The following MAP2K6 variants were observed in gnomAD, a reference collection of about 807,000 sequenced individuals.
MAP2K6 encodes dual specificity mitogen-activated protein kinase kinase 6.
MAP2K6 carries 16 observed loss-of-function variants against 53.7 expected under a neutral mutation model. That is an observed-to-expected ratio of 0.30 (90% CI 0.20 to 0.45). The LOEUF is 0.45. MAP2K6 is among the 20% of genes least tolerant of loss of function. The pLI is 1.00. For missense variants in MAP2K6, 204 were observed against 411.9 expected (o/e 0.50, Z 4.37); for synonymous variants, 132 against 143.1 (o/e 0.92, Z 0.55).
chr17:69,438,904 T>C (rs933414920), intron 1 of MAP2K6, among the ~76,000 whole-genome samples: 2 of 152,208 alleles, frequency 1.3e-5, no homozygotes, highest in Non-Finnish European at 2.9e-5. Flanking sequence ...TAAAATGCTT[T>C]ACACGAGTCA....
intron 1 of MAP2K6, among the ~76,000 whole-genome samples, chr17:69,430,283 C>T (rs1205824459): frequency 6.6e-6 from 1 of 151,934 alleles, no homozygotes; most frequent in African/African-American, 2.4e-5. Flanking sequence ...TTGCAGTGAG[C>T]CAAGATCGTG....
At chr17:69,484,248 A>G (rs1178388162) in intron 1 of MAP2K6, among the ~76,000 whole-genome samples, 1 of 152,084 alleles carries the variant, frequency 6.6e-6, no homozygotes, top group Non-Finnish European at 1.5e-5. Flanking sequence ...TACTGAAAAG[A>G]TAACTAAAAA....
At chr17:69,483,358 T>G (rs774345972) in intron 1 of MAP2K6, among the ~76,000 whole-genome samples, 1 of 151,956 alleles carries the variant, frequency 6.6e-6, no homozygotes, top group Non-Finnish European at 1.5e-5. Context: ...CTTTATAATA[T>G]CCTCAAAAAG....
chr17:69,476,271 G>T (rs920730294), intron 1 of MAP2K6, among the ~76,000 whole-genome samples: 1 of 152,122 alleles, frequency 6.6e-6, no homozygotes, highest in Non-Finnish European at 1.5e-5. Flanking sequence ...GAGAACACCT[G>T]CTACCCAGAT....
intron 11 of MAP2K6, among the ~76,000 whole-genome samples, chr17:69,539,195 G>A (rs1279480449): frequency 6.6e-6 from 1 of 152,220 alleles, no homozygotes; most frequent in Non-Finnish European, 1.5e-5. Flanking sequence ...ATGAGGTGCT[G>A]TGCATGGGAC....
At chr17:69,514,108 T>TA (rs35309500) in intron 2 of MAP2K6, among the ~76,000 whole-genome samples, 1,579 of 144,330 alleles carry the variant, frequency 0.011, 33 homozygotes, top group African/African-American at 0.036. Flanking sequence ...GACTCTGTCT[T>TA]AAAAAAAAAA....
At chr17:69,503,667 A>T (rs1909291199) in intron 1 of MAP2K6, among the ~76,000 whole-genome samples, 1 of 152,138 alleles carries the variant, frequency 6.6e-6, no homozygotes, top group South Asian at 2.1e-4. Context: ...TATACATTAT[A>T]GTGGGCTATA....
chr17:69,460,395 G>A (rs1199431715), intron 1 of MAP2K6, among the ~76,000 whole-genome samples: 1 of 152,194 alleles, frequency 6.6e-6, no homozygotes, highest in African/African-American at 2.4e-5. Context: ...ACCCGGAGGT[G>A]TGAGGTTACC....
At chr17:69,511,268 G>A (rs1230228371) in intron 2 of MAP2K6, among the ~76,000 whole-genome samples, 1 of 152,152 alleles carries the variant, frequency 6.6e-6, no homozygotes, top group African/African-American at 2.4e-5. Context: ...GTAGCTCAAA[G>A]AGTCTCGTTG....
chr17:69,447,059 C>T (rs2145153555), intron 1 of MAP2K6, among the ~76,000 whole-genome samples: 1 of 150,910 alleles, frequency 6.6e-6, no homozygotes, highest in South Asian at 2.1e-4. Flanking sequence ...CACACTGCAA[C>T]CTCCGCCTCC....
intron 1 of MAP2K6, among the ~76,000 whole-genome samples, chr17:69,422,347 G>A (rs1906117547): frequency 6.6e-6 from 1 of 151,826 alleles, no homozygotes; most frequent in Non-Finnish European, 1.5e-5. Flanking sequence ...GGCCAGGCTG[G>A]TCTCAAACTC....
At chr17:69,466,171 A>T (rs1174481260) in intron 1 of MAP2K6, among the ~76,000 whole-genome samples, 1 of 150,730 alleles carries the variant, frequency 6.6e-6, no homozygotes. Flanking sequence ...CTGTAGTCCC[A>T]GCTACCAGCT....
At chr17:69,473,676 G>A (rs1908050904) in intron 1 of MAP2K6, among the ~76,000 whole-genome samples, 1 of 152,122 alleles carries the variant, frequency 6.6e-6, no homozygotes, top group South Asian at 2.1e-4. Flanking sequence ...GGGAGTCCTA[G>A]GTTTGAAATG....
chr17:69,538,708 G>A (rs1483902238), intron 11 of MAP2K6, among the ~76,000 whole-genome samples: 3 of 152,258 alleles, frequency 2.0e-5, no homozygotes, highest in South Asian at 2.1e-4. Flanking sequence ...TCCCTAACAC[G>A]GATTGAAGGG....
chr17:69,518,051 A>G (rs35533573), intron 4 of MAP2K6, among the ~76,000 whole-genome samples: 21,625 of 152,134 alleles, frequency 0.14, 1,755 homozygotes, highest in Middle Eastern at 0.21. Flanking sequence ...TTAGCCAGGC[A>G]TGGTGGCACA....
intron 1 of MAP2K6, among the ~76,000 whole-genome samples, chr17:69,466,481 G>C: frequency 6.6e-6 from 1 of 152,094 alleles, no homozygotes; most frequent in East Asian, 1.9e-4. Context: ...AAAGTGTGTA[G>C]ACCCTCCTTA....
rs1348268029 is a variant in MAP2K6, at chr17:69,552,754, G to A, written c.*11001G>A. ...ATTGTATTTAAAATACCTGTTTTGT[G>A]GGACAGCATGCCTTTGTTTTCTTTG... On this transcript the variant is annotated 3_prime_UTR_variant, in exon 12 of 12. Coordinates refer to ENST00000590474, the MANE Select transcript of MAP2K6 (RefSeq NM_002758.4). The A allele has an allele frequency of 2.0e-5, 3 of 152,144 alleles. No homozygotes were observed. Among genetic ancestry groups the A allele is most frequent in the Admixed American group, 2.0e-4 (3 of 15,282 alleles). The allele number at this position is 152,144 out of a possible 1,614,324, so 9.4% of individuals were successfully genotyped here.
chr17:69,451,451 T>C (rs1454267555), intron 1 of MAP2K6, among the ~76,000 whole-genome samples: 2 of 152,130 alleles, frequency 1.3e-5, no homozygotes, highest in Non-Finnish European at 2.9e-5. Context: ...GAGAAGTGAA[T>C]GTGGAAAGGT....
rs546789063 is a variant in MAP2K6, at chr17:69,520,493, C to T, written c.483+107C>T. On this transcript the variant is annotated intron_variant, in intron 6 of 11. Coordinates refer to ENST00000590474, the MANE Select transcript of MAP2K6 (RefSeq NM_002758.4). ...TACTACCTGGGCCACAGCTACTATTCGTACATGTCTGTTGACATTTATTGG... is the reference window on the plus strand; with the variant it reads ...TACTACCTGGGCCACAGCTACTATTTGTACATGTCTGTTGACATTTATTGG... The T allele has an allele frequency of 9.3e-5, 64 of 688,346 alleles. No individual in the cohort carries two copies. In the East Asian group the frequency reaches 1.5e-3, roughly 16 times the overall value. The allele number at this position is 688,346 out of a possible 1,614,324, so 42.6% of individuals were successfully genotyped here.
Sources: allele counts gnomAD v4.1 joint callset (sites outside exome capture counted in the v4.1 genomes callset), GRCh38; gene constraint gnomAD v4.1.1; transcripts MANE v1.5; gene names NCBI Gene and HGNC (gene_info 2026-07-23, HGNC 2026-07-21).